The following ADNP variants were observed in gnomAD, a reference collection of about 807,000 sequenced individuals.
ADNP encodes the protein activity dependent neuroprotector homeobox, also known as activity-dependent neuroprotector homeobox protein.
A neutral mutation model predicts 84.9 loss-of-function variants in ADNP; 4 were observed. The ratio of observed to expected loss-of-function variants is 0.05; its 90% CI spans 0.02 to 0.11. The LOEUF is 0.11. ADNP is among the 10% of genes least tolerant of loss of function. The pLI, the probability that ADNP is intolerant of heterozygous loss-of-function variation, is 1.00. For synonymous variants in ADNP, 554 were observed against 468.1 expected, an observed-to-expected ratio of 1.18 and a Z score of -2.37; for missense variants, 1,132 against 1,326.0, an observed-to-expected ratio of 0.85 and a Z score of 2.27.
At chr20:50,909,294 C>T (rs1020032715) in intron 2 of ADNP, among the ~76,000 whole-genome samples, 3 of 127,340 alleles carry the variant, frequency 2.4e-5, no homozygotes, top group African/African-American at 5.8e-5. Flanking sequence ...ACTCCAGAGG[C>T]GGAGGTTGTG....
chr20:50,927,625 G>C (rs1984379498), intron 2 of ADNP, among the ~76,000 whole-genome samples: 1 of 151,410 alleles, frequency 6.6e-6, no homozygotes, highest in African/African-American at 2.4e-5. Context: ...TGAACTCCTG[G>C]CCTCAAGTGA....
chr20:50,890,131 TAAAAAAAAAAAAAAAA>T lies in ADNP; in HGVS notation c.*1258_*1273del, dbSNP rs150489825. 3.0e-4 allele frequency: 24 copies of T among 81,212 alleles called. No individual in the cohort carries two copies. The South Asian group carries it at 5.0e-3, about 17-fold the overall frequency. The allele number at this position is 81,212 out of a possible 1,614,324, so 5.0% of individuals were successfully genotyped here. ...AACTCAAGGGTGTTTGTTTTTCAGTTAAAAAAAAAAAAAAAAAAAAAAAAAAAAAAGAAAAACAGAT... is the reference window on the plus strand; with the variant it reads ...AACTCAAGGGTGTTTGTTTTTCAGTTAAAAAAAAAAAAAAGAAAAACAGAT... On this transcript the variant is annotated 3_prime_UTR_variant, in exon 6 of 6. Coordinates refer to ENST00000621696, the MANE Select transcript of ADNP (RefSeq NM_001282531.3).
At chr20:50,913,288 A>AAAAG (rs1983226705) in intron 2 of ADNP, among the ~76,000 whole-genome samples, 1 of 137,280 alleles carries the variant, frequency 7.3e-6, no homozygotes, top group Non-Finnish European at 1.5e-5. Context: ...AAAAAAAAAA[A>AAAAG]GGTATCTGTA....
At chr20:50,896,353 A>G (rs1015195574) in intron 5 of ADNP, among the ~76,000 whole-genome samples, 3 of 152,230 alleles carry the variant, frequency 2.0e-5, no homozygotes, top group Admixed American at 2.0e-4. Flanking sequence ...GCACTTTGGG[A>G]GGCCAAGGCA....
chr20:50,918,639 C>T (rs927546059), intron 2 of ADNP, among the ~76,000 whole-genome samples: 6 of 152,322 alleles, frequency 3.9e-5, no homozygotes, highest in Admixed American at 1.3e-4. Flanking sequence ...AGCTGGGTTA[C>T]TTCAGTGAGA....
At chr20:50,922,202 C>T (rs1219634884) in intron 2 of ADNP, among the ~76,000 whole-genome samples, 1 of 151,980 alleles carries the variant, frequency 6.6e-6, no homozygotes, top group Non-Finnish European at 1.5e-5. Flanking sequence ...GGTTTTTTCC[C>T]AAGCAGCGGA....
intron 2 of ADNP, among the ~76,000 whole-genome samples, chr20:50,915,150 A>T (rs530882916): frequency 2.0e-4 from 30 of 152,234 alleles, no homozygotes; most frequent in Non-Finnish European, 3.5e-4. Flanking sequence ...TAAAATGTTG[A>T]AAGAAAAAAA....
At chr20:50,896,759 G>A (rs1452183450) in intron 5 of ADNP, among the ~76,000 whole-genome samples, 1 of 149,984 alleles carries the variant, frequency 6.7e-6, no homozygotes, top group Non-Finnish European at 1.5e-5. Context: ...CCTTCTTCTG[G>A]ATAACTGCAG....
At chr20:50,925,620 C>T (rs1984239672) in intron 2 of ADNP, among the ~76,000 whole-genome samples, 1 of 152,122 alleles carries the variant, frequency 6.6e-6, no homozygotes, top group African/African-American at 2.4e-5. Context: ...GTGGAAAGTG[C>T]CAAAGTAAAA....
At chr20:50,923,150 A>G (rs1002652312) in intron 2 of ADNP, among the ~76,000 whole-genome samples, 3 of 152,208 alleles carry the variant, frequency 2.0e-5, no homozygotes, top group African/African-American at 7.2e-5. Flanking sequence ...GAAAACCAGT[A>G]TGTATCACAA....
intron 2 of ADNP, among the ~76,000 whole-genome samples, chr20:50,906,752 G>T (rs1197456902): frequency 3.9e-5 from 6 of 152,046 alleles, no homozygotes; most frequent in Admixed American, 6.5e-5. Flanking sequence ...TGCCCATAAG[G>T]GAACTTAGTT....
rs1210004953 is a variant in ADNP at position 50,894,100 on chromosome 20, A to G, written c.614T>C (p.Leu205Pro). ...PYIAKAGEKS[L>P]NGAVPLGSNA... The stretch of plus-strand genomic sequence containing the variant: ...CGAGCCTAAGGGGACTGCCCCATTG[A>G]GTGATTTTTCTCCTGCCTTTGCTAT... Residue 205 changes from leucine to proline, a missense_variant, in exon 6 of 6, where the codon CTC (leucine) becomes CCC (proline). Transcript: ENST00000621696. The G allele has an allele frequency of 6.2e-7, 1 of 1,613,980 alleles. No individual in the cohort carries two copies. Among genetic ancestry groups the G allele is most frequent in the African/African-American group, 1.3e-5 (1 of 74,908 alleles).
chr20:50,909,490 T>TTTAA (rs1334703119), intron 2 of ADNP: 2 of 151,282 alleles, frequency 1.3e-5, no homozygotes, highest in Non-Finnish European at 2.9e-5. Context: ...AAATATCCAA[T>TTTAA]TTAACAAACC....
Position 50,891,645 on chromosome 20 carries a change from T to C in ADNP, c.3069A>G (p.Arg1023=), listed in dbSNP as rs1207541030. The C allele has an allele frequency of 6.2e-7, 1 of 1,614,220 alleles. No individual in the cohort carries two copies. The highest frequency in any genetic ancestry group is 1.7e-5 in the Admixed American group (1 of 60,024). The change falls in exon 6 of 6, where the codon AGA becomes AGG. Residue 1023 remains arginine, a synonymous_variant. Coordinates refer to ENST00000621696, the MANE Select transcript of ADNP (RefSeq NM_001282531.3). The stretch of plus-strand genomic sequence containing the variant: ...AACTATTCTTCCATTTCAACTGCTC[T>C]CTGTCACCTTGCATGGTAGCCTTTT... ...AKKKATMQGD[R]EQLKWKNSSY...
intron 5 of ADNP, among the ~76,000 whole-genome samples, chr20:50,900,108 G>A (rs1981817159): frequency 6.6e-6 from 1 of 152,112 alleles, no homozygotes; most frequent in Admixed American, 6.5e-5. Flanking sequence ...TCACCACTCA[G>A]AGCAACTTCC....
chr20:50,923,920 G>C (rs991318565), intron 2 of ADNP, among the ~76,000 whole-genome samples: 3 of 152,158 alleles, frequency 2.0e-5, no homozygotes, highest in African/African-American at 4.8e-5. Flanking sequence ...ACAAGAGCAA[G>C]GATTCTGTCA....
At chr20:50,897,905 C>T (rs757722736) in intron 5 of ADNP, among the ~76,000 whole-genome samples, 1 of 152,174 alleles carries the variant, frequency 6.6e-6, no homozygotes, top group African/African-American at 2.4e-5. Context: ...GGGTCACCCA[C>T]GACTTCTTAT....
At chr20:50,917,016 A>C (rs866120155) in intron 2 of ADNP, among the ~76,000 whole-genome samples, 2 of 152,202 alleles carry the variant, frequency 1.3e-5, no homozygotes, top group Non-Finnish European at 2.9e-5. Flanking sequence ...GGAGCTGCCT[A>C]ATCTAAACTC....
intron 2 of ADNP, among the ~76,000 whole-genome samples, chr20:50,917,874 TG>T: frequency 6.6e-6 from 1 of 152,210 alleles, no homozygotes; most frequent in Non-Finnish European, 1.5e-5. Flanking sequence ...GATTGAACCA[TG>T]AAAAAGAATA....
Sources: allele counts gnomAD v4.1 joint callset (sites outside exome capture counted in the v4.1 genomes callset), GRCh38; gene constraint gnomAD v4.1.1; transcripts MANE v1.5; gene names NCBI Gene and HGNC (gene_info 2026-07-23, HGNC 2026-07-21).